Variants in BCCIP observed in about 807,000 individuals in gnomAD.
BCCIP encodes the protein BRCA2 and CDKN1A-interacting protein.
A neutral mutation model predicts 32.8 loss-of-function variants in BCCIP; 23 were observed. The observed-to-expected ratio is 0.70, with a 90% CI of 0.51 to 0.99. The LOEUF is 0.99. BCCIP is among the 50% of genes least tolerant of loss of function. The probability of loss-of-function intolerance (pLI) is 0.00; values close to 1 mark genes in which losing one functional copy is unlikely to be tolerated. For missense variants in BCCIP, 378 were observed against 379.8 expected, an observed-to-expected ratio of 1.00 and a Z score of 0.04; for synonymous variants, 144 against 137.6, an observed-to-expected ratio of 1.05 and a Z score of -0.33.
At chr10:125,841,425 T>C, downstream of BCCIP, 1 of 1,582,478 alleles carries the variant, frequency 6.3e-7, no homozygotes, top group Non-Finnish European at 8.6e-7. Context: ...ACAACATTAT[T>C]TGGGGAAAAA....
intron 1 of BCCIP, among the ~76,000 whole-genome samples, chr10:125,825,146 C>T (rs1854355209): frequency 6.6e-6 from 1 of 152,236 alleles, no homozygotes; most frequent in Admixed American, 6.5e-5. Flanking sequence ...TCTATCACAC[C>T]ACCACAGTCT....
At chr10:125,827,767 C>T (rs1181833733) in intron 3 of BCCIP, 129 bp downstream of exon 3, 8 of 636,400 alleles carry the variant, frequency 1.3e-5, no homozygotes, top group Non-Finnish European at 1.1e-5. Flanking sequence ...GCCAGGAGTT[C>T]AAGACCATCC....
chr10:125,843,005 A>C (rs760926254), downstream of BCCIP, among the ~76,000 whole-genome samples: 1 of 152,170 alleles, frequency 6.6e-6, no homozygotes, highest in Admixed American at 6.5e-5. Flanking sequence ...CAAAAACCAC[A>C]ATTATTTTTG....
intron 3 of BCCIP, among the ~76,000 whole-genome samples, chr10:125,829,986 G>C (rs1018545435): frequency 6.6e-5 from 9 of 137,250 alleles, no homozygotes; most frequent in Non-Finnish European, 1.6e-5. Context: ...CCAGTCCCTA[G>C]GATCATAGAA....
At chr10:125,842,941 C>A (rs1293625852), downstream of BCCIP, 6 of 298,388 alleles carry the variant, frequency 2.0e-5, no homozygotes, top group South Asian at 7.8e-4. Context: ...TGGAATAAGG[C>A]TATATATAGA....
At position 125,831,465 on chromosome 10, in the gene BCCIP, T is replaced by C; in HGVS notation, c.457T>C (p.Cys153Arg). 1 of 1,614,202 alleles carries C rather than the reference T, an allele frequency of 6.2e-7. No homozygotes were observed. The highest frequency in any genetic ancestry group is 8.5e-7 in the Non-Finnish European group (1 of 1,180,014). ...AATTCAAGAGTTGGTTCTACGCTTC[T>C]GTGAGAAGAACTGTGAAAAGAGCAT... ...EQIQELVLRF[C>R]EKNCEKSMVE... Residue 153 changes from cysteine to arginine, a missense_variant, in exon 5 of 7, where the codon TGT (cysteine) becomes CGT (arginine). Coordinates refer to ENST00000278100, the MANE Select transcript of BCCIP (RefSeq NM_078468.3).
chr10:125,823,608 G>A lies in BCCIP; in HGVS notation c.51G>A (p.Pro17=). Residue 17 remains proline (P), a synonymous_variant, in exon 1 of 7, where the codon CCG becomes CCA. Transcript: ENST00000278100. ...CCGTGGAAAGTGGGGTTCCGCAGCC[G>A]CCGGATCCCCCAGTCCAGCGCGACG... is the stretch of plus-strand genomic sequence containing the variant. ...RRAVESGVPQ[P]PDPPVQRDEE... 1.2e-6 allele frequency: 2 copies of A among 1,614,070 alleles called. No individual in the cohort carries two copies. The highest frequency in any genetic ancestry group is 1.7e-6 in the Non-Finnish European group (2 of 1,179,972).
At chr10:125,833,530 A>G (rs1181056321) in intron 5 of BCCIP, among the ~76,000 whole-genome samples, 1 of 151,974 alleles carries the variant, frequency 6.6e-6, no homozygotes, top group African/African-American at 2.4e-5. Context: ...GTTAGTTGCT[A>G]TATATCCACA....
At chr10:125,834,920 C>T (rs1337325365) in intron 6 of BCCIP, among the ~76,000 whole-genome samples, 4 of 151,718 alleles carry the variant, frequency 2.6e-5, no homozygotes, top group Non-Finnish European at 5.9e-5. Context: ...ATCACGAGGT[C>T]AGGAGATCGA....
At chr10:125,824,363 A>G (rs1854300761) in intron 1 of BCCIP, among the ~76,000 whole-genome samples, 1 of 152,234 alleles carries the variant, frequency 6.6e-6, no homozygotes, top group South Asian at 2.1e-4. Flanking sequence ...TTAGTAAACA[A>G]TTAGGACTGA....
intron 7 of BCCIP, among the ~76,000 whole-genome samples, chr10:125,849,636 C>T (rs376752498): frequency 4.6e-5 from 7 of 152,138 alleles, no homozygotes; most frequent in African/African-American, 7.2e-5. Context: ...CCAGTCCTGC[C>T]GGTAGGTGTC....
downstream of BCCIP, among the ~76,000 whole-genome samples, chr10:125,847,773 T>C (rs1944040330): frequency 1.3e-5 from 2 of 152,196 alleles, no homozygotes; most frequent in South Asian, 2.1e-4. Context: ...CTGGGGGTGA[T>C]GGGAGACAGT....
chr10:125,842,159 C>T (rs1218905273), exon 7 of BCCIP: 1 of 584,618 alleles, frequency 1.7e-6, no homozygotes, highest in African/African-American at 1.9e-5. Context: ...CGAGGAGGGT[C>T]CCAGCTGCAG....
intron 7 of BCCIP, among the ~76,000 whole-genome samples, chr10:125,848,402 A>G (rs1944050568): frequency 6.6e-6 from 1 of 152,220 alleles, no homozygotes; most frequent in Non-Finnish European, 1.5e-5. Context: ...CCAGGATACA[A>G]GAGGGCAGAC....
At chr10:125,831,768 C>A in intron 5 of BCCIP, 161 bp downstream of exon 5, 1 of 537,314 alleles carries the variant, frequency 1.9e-6, no homozygotes, top group Non-Finnish European at 3.1e-6. Context: ...GAAGTACATA[C>A]ATTATTAACA....
intron 1 of BCCIP, among the ~76,000 whole-genome samples, chr10:125,824,833 G>A (rs1213210050): frequency 1.3e-5 from 2 of 152,246 alleles, no homozygotes; most frequent in Non-Finnish European, 2.9e-5. Flanking sequence ...CTTCACAATT[G>A]AGGGACGGAA....
chr10:125,842,546 G>A (rs900755074), exon 7 of BCCIP: 2 of 152,254 alleles, frequency 1.3e-5, no homozygotes, highest in African/African-American at 2.4e-5. Flanking sequence ...ACCTGACACA[G>A]CTATACAGCA....
intron 5 of BCCIP, 140 bp from the exon 6 acceptor site, chr10:125,833,632 G>A (rs1468561732): frequency 1.3e-5 from 9 of 708,400 alleles, no homozygotes; most frequent in Non-Finnish European, 1.4e-5. Flanking sequence ...AATCATTCCT[G>A]TAGACTAAGT....
At chr10:125,840,892 T>C, downstream of BCCIP, 1 of 1,609,604 alleles carries the variant, frequency 6.2e-7, no homozygotes, top group Non-Finnish European at 8.5e-7. Flanking sequence ...GCCTTGTAAA[T>C]GCTGATGAGG....
Sources: gnomAD v4.1 joint callset for allele counts (sites outside exome capture counted in the v4.1 genomes callset) on GRCh38, gnomAD v4.1.1 for gene constraint, MANE v1.5 for transcripts, NCBI Gene and HGNC (gene_info 2026-07-23, HGNC 2026-07-21) for gene names.